Variants in C5orf63 observed in about 807,000 individuals in gnomAD.
C5orf63 encodes the protein glutaredoxin-like protein C5orf63.
C5orf63 carries 18 observed loss-of-function variants against 13.3 expected under a neutral mutation model. The ratio of observed to expected loss-of-function variants is 1.36; its 90% CI spans 0.94 to 2.01. C5orf63 has a LOEUF of 2.01. Among genes scored for constraint, C5orf63 ranks in the 30% most tolerant of loss-of-function variants. The pLI is 0.00. For missense variants in C5orf63, 118 were observed against 127.7 expected (o/e 0.92, Z 0.36); for synonymous variants, 38 against 44.7 (o/e 0.85, Z 0.60).
At chr5:127,064,348 A>C (rs1013733173) in intron 2 of C5orf63, among the ~76,000 whole-genome samples, 1 of 152,176 alleles carries the variant, frequency 6.6e-6, no homozygotes, top group Admixed American at 6.5e-5. Flanking sequence ...AGGTGAGATC[A>C]GAGGTGCTTT....
At chr5:127,065,621 T>C (rs756548774) in intron 2 of C5orf63, among the ~76,000 whole-genome samples, 2 of 152,152 alleles carry the variant, frequency 1.3e-5, no homozygotes, top group Non-Finnish European at 2.9e-5. Flanking sequence ...GATAAGCCTG[T>C]GGAGGATTTT....
chr5:127,044,202 C>T (rs1304365649), downstream of C5orf63: 4 of 152,168 alleles, frequency 2.6e-5, no homozygotes, highest in East Asian at 1.9e-4. Context: ...TCAGGAATTC[C>T]GTTCAAATAT....
At chr5:127,043,627 TACAAGAAA>T (rs1410974153), downstream of C5orf63, 2 of 152,228 alleles carry the variant, frequency 1.3e-5, no homozygotes, top group Non-Finnish European at 2.9e-5. Flanking sequence ...AGAATATCTT[TACAAGAAA>T]ACACAGGGTA....
intron 3 of C5orf63, among the ~76,000 whole-genome samples, chr5:127,055,835 T>G (rs540209575): frequency 2.6e-5 from 4 of 152,326 alleles, no homozygotes; most frequent in South Asian, 2.1e-4. Flanking sequence ...TTTTCTGTTT[T>G]GTTTTGTTTT....
intron 2 of C5orf63, among the ~76,000 whole-genome samples, chr5:127,059,653 G>T (rs936196641): frequency 6.6e-6 from 1 of 151,716 alleles, no homozygotes; most frequent in Non-Finnish European, 1.5e-5. Flanking sequence ...ACCTGAGCCT[G>T]GGAAGTTGGG....
downstream of C5orf63, among the ~76,000 whole-genome samples, chr5:127,048,246 G>GACACAC (rs71822352): frequency 0.013 from 1,740 of 134,746 alleles, 32 homozygotes; most frequent in African/African-American, 0.038. Flanking sequence ...GGTCCATGAG[G>GACACAC]ACACACACAC....
chr5:127,058,884 T>C lies in C5orf63; in HGVS notation c.112A>G (p.Lys38Glu). 1 of 1,527,050 alleles carries C rather than the reference T, an allele frequency of 6.5e-7. No individual in the cohort carries two copies. The highest frequency in any genetic ancestry group is 1.2e-5 in the South Asian group (1 of 83,784). The allele number at this position is 1,527,050 out of a possible 1,614,324, so 94.6% of individuals were successfully genotyped here. The change falls in exon 3 of 5, where the codon AAG (lysine) becomes GAG (glutamate). Residue 38 changes from lysine to glutamate, a missense_variant and splice_region_variant. By Grantham distance (56) the Lys-to-Glu change is moderately conservative (BLOSUM62 1). Coordinates refer to ENST00000296662, the MANE Select transcript of C5orf63 (RefSeq NM_001164478.2). ...AATTTTACTTTTTCACTTTGTACCT[T>C]TGTGAATAAGGTCAACACAGGCAGA... The part of the protein sequence containing the change: ...TTLPVLTLFT[K>E]DPCPLCDEAK...
At chr5:127,050,541 T>A (rs1295204395), downstream of C5orf63, among the ~76,000 whole-genome samples, 2 of 152,112 alleles carry the variant, frequency 1.3e-5, no homozygotes, top group African/African-American at 2.4e-5. Flanking sequence ...GTATGTGAGA[T>A]AACAGGAGCC....
At chr5:127,045,405 G>A (rs149777143) in exon 5 of C5orf63, 1 of 152,154 alleles carries the variant, frequency 6.6e-6, no homozygotes, top group African/African-American at 2.4e-5. Flanking sequence ...CTGCTTTCTT[G>A]TATCACTCCA....
At chr5:127,057,855 C>A (rs1753947868) in intron 3 of C5orf63, among the ~76,000 whole-genome samples, 1 of 152,066 alleles carries the variant, frequency 6.6e-6, no homozygotes, top group African/African-American at 2.4e-5. Context: ...TTTAAATAAG[C>A]CCCCAGACAC....
chr5:127,047,791 C>CT, downstream of C5orf63: 1 of 703,972 alleles, frequency 1.4e-6, no homozygotes, highest in East Asian at 2.7e-5. Context: ...ATAATCAAAA[C>CT]TTAAGACTTG....
At position 127,060,841 on chromosome 5, in the gene C5orf63, C is replaced by G. The variant is rs201649866; in HGVS notation, c.-7-1839G>C. On this transcript the variant is annotated intron_variant, in intron 2 of 4. Transcript: ENST00000296662. ...GTTAGTCAGCCCAACACTCCCCACC[C>G]TCACATCTTGCTGTAGTTTTCTTTT... Among the ~76,000 whole-genome samples the G allele has an allele frequency of 2.6e-5, 4 of 152,220 alleles. No homozygotes were observed. In the East Asian group the frequency reaches 7.7e-4, roughly 29 times the overall value.
At chr5:127,058,687 A>T in intron 3 of C5orf63, 195 bp downstream of exon 3, 1 of 551,068 alleles carries the variant, frequency 1.8e-6, no homozygotes, top group South Asian at 2.6e-5. Flanking sequence ...CATTAAATAC[A>T]TCAATTTACT....
chr5:127,066,787 G>A (rs1754349080), intron 2 of C5orf63, among the ~76,000 whole-genome samples: 1 of 151,966 alleles, frequency 6.6e-6, no homozygotes, highest in Admixed American at 6.6e-5. Flanking sequence ...GAAAAAAAAA[G>A]AGGGCCCAGG....
intron 3 of C5orf63, among the ~76,000 whole-genome samples, chr5:127,056,130 T>C (rs770524840): frequency 4.6e-5 from 7 of 152,270 alleles, no homozygotes; most frequent in Non-Finnish European, 7.4e-5. Flanking sequence ...TCTCAGCATG[T>C]GGCTGACTCC....
chr5:127,055,603 G>A (rs1341280987), intron 3 of C5orf63, among the ~76,000 whole-genome samples: 2 of 152,158 alleles, frequency 1.3e-5, no homozygotes, highest in African/African-American at 4.8e-5. Flanking sequence ...TCCTAGAACA[G>A]AGAATTGGCT....
At chr5:127,052,950 A>G (rs1211481933) in intron 3 of C5orf63, among the ~76,000 whole-genome samples, 3 of 152,184 alleles carry the variant, frequency 2.0e-5, no homozygotes, top group African/African-American at 4.8e-5. Context: ...ATACATACAT[A>G]TAGATGTTTC....
chr5:127,047,395 T>C (rs897801149), downstream of C5orf63: 1 of 307,786 alleles, frequency 3.2e-6, no homozygotes, highest in African/African-American at 2.2e-5. Context: ...TACTTGACAG[T>C]GGGATAATCA....
chr5:127,067,394 G>C (rs1049657463), intron 2 of C5orf63, among the ~76,000 whole-genome samples: 1 of 152,100 alleles, frequency 6.6e-6, no homozygotes, highest in Non-Finnish European at 1.5e-5. Flanking sequence ...TCAGAAATGC[G>C]GAATTGCAAA....
Sources: allele counts gnomAD v4.1 joint callset (sites outside exome capture counted in the v4.1 genomes callset), GRCh38; gene constraint gnomAD v4.1.1; transcripts MANE v1.5; gene names NCBI Gene and HGNC (gene_info 2026-07-23, HGNC 2026-07-21).